FER: variants seen among roughly 807,000 people sequenced by gnomAD.
FER encodes tyrosine-protein kinase Fer.
In FER, 63 loss-of-function variants were observed where a neutral mutation model predicts 111.0. That is an observed-to-expected ratio of 0.57 (90% CI 0.46 to 0.70). FER has a LOEUF of 0.70. Among genes scored for constraint, FER ranks in the 30% least tolerant of loss-of-function variants. FER has a pLI of 0.00. For missense variants in FER, 914 were observed against 954.0 expected (o/e 0.96, Z 0.55); for synonymous variants, 327 against 313.9 (o/e 1.04, Z -0.44).
chr5:108,846,169 C>G lies in FER; in HGVS notation c.481+10362C>G, dbSNP rs1193526585. Reference sequence around the variant, plus strand: ...GATTTGTGTTGAGTTAGTATTATTTCTTTCTTAAATATTGGTAGACTTTGC... The same window carrying G: ...GATTTGTGTTGAGTTAGTATTATTTGTTTCTTAAATATTGGTAGACTTTGC... On this transcript the variant is annotated intron_variant, in intron 5 of 19. Transcript: ENST00000281092. Among the ~76,000 whole-genome samples, 6 of 152,144 alleles carry G rather than the reference C, an allele frequency of 3.9e-5. No individual in the cohort carries two copies. The East Asian group carries it at 1.2e-3, about 29-fold the overall frequency.
At chr5:109,129,175 C>G (rs1752079260) in intron 17 of FER, among the ~76,000 whole-genome samples, 1 of 151,932 alleles carries the variant, frequency 6.6e-6, no homozygotes, top group African/African-American at 2.4e-5. Flanking sequence ...GGAATAAAGT[C>G]AGATACTCAT....
chr5:109,055,985 AT>A (rs2149946384), intron 16 of FER, among the ~76,000 whole-genome samples: 1 of 152,340 alleles, frequency 6.6e-6, no homozygotes, highest in African/African-American at 2.4e-5. Context: ...GGTGCTCAAC[AT>A]TATTAATCAT....
chr5:109,128,231 T>G (rs765588570), intron 17 of FER, among the ~76,000 whole-genome samples: 9 of 145,906 alleles, frequency 6.2e-5, no homozygotes, highest in Non-Finnish European at 1.4e-4. Context: ...ATATACAAGT[T>G]TTTTTTTTTT....
At chr5:108,992,234 T>C (rs1274795806) in intron 13 of FER, among the ~76,000 whole-genome samples, 1 of 152,258 alleles carries the variant, frequency 6.6e-6, no homozygotes, top group Non-Finnish European at 1.5e-5. Context: ...AGAAGAATTT[T>C]TCTAGTACAG....
At chr5:109,129,732 C>T (rs987420771) in intron 17 of FER, among the ~76,000 whole-genome samples, 1 of 152,004 alleles carries the variant, frequency 6.6e-6, no homozygotes, top group African/African-American at 2.4e-5. Flanking sequence ...ACAAGGTTTT[C>T]GTATAGGAAT....
At chr5:109,086,920 T>C (rs1287698049) in intron 16 of FER, among the ~76,000 whole-genome samples, 1 of 150,112 alleles carries the variant, frequency 6.7e-6, no homozygotes, top group Non-Finnish European at 1.5e-5. Context: ...TATGGTCATC[T>C]TCTCTGTGTG....
intron 17 of FER, among the ~76,000 whole-genome samples, chr5:109,158,761 C>G (rs1158063403): frequency 1.3e-5 from 2 of 152,112 alleles, no homozygotes; most frequent in Non-Finnish European, 2.9e-5. Context: ...GAACTCACTT[C>G]TCACTTTCTT....
At chr5:108,991,249 G>A (rs1434434242) in intron 13 of FER, among the ~76,000 whole-genome samples, 1 of 151,776 alleles carries the variant, frequency 6.6e-6, no homozygotes, top group African/African-American at 2.4e-5. Context: ...GTGTATTTCA[G>A]CTGGCTTCTG....
At chr5:108,990,695 A>T (rs1234441497) in intron 13 of FER, among the ~76,000 whole-genome samples, 1 of 151,786 alleles carries the variant, frequency 6.6e-6, no homozygotes, top group Non-Finnish European at 1.5e-5. Flanking sequence ...CACAGAAAAT[A>T]CATCTTTATA....
At chr5:109,007,763 G>A (rs748539000) in intron 13 of FER, among the ~76,000 whole-genome samples, 7 of 151,956 alleles carry the variant, frequency 4.6e-5, no homozygotes, top group Admixed American at 1.3e-4. Context: ...TTCATTTATC[G>A]AGTATATACT....
At chr5:109,143,287 A>C (rs1434185564) in intron 17 of FER, among the ~76,000 whole-genome samples, 1 of 152,150 alleles carries the variant, frequency 6.6e-6, no homozygotes, top group South Asian at 2.1e-4. Context: ...TGTATGCCAT[A>C]AAGTCCTTGA....
At chr5:108,855,734 G>C (rs890096244) in intron 5 of FER, among the ~76,000 whole-genome samples, 1 of 152,198 alleles carries the variant, frequency 6.6e-6, no homozygotes, top group African/African-American at 2.4e-5. Flanking sequence ...TAAAACATAA[G>C]GTGAGGATTA....
chr5:109,126,446 G>C (rs2126540098), intron 17 of FER, among the ~76,000 whole-genome samples: 1 of 152,274 alleles, frequency 6.6e-6, no homozygotes, highest in East Asian at 1.9e-4. Flanking sequence ...GGAAGAAAAA[G>C]AATTTAGGAT....
chr5:109,030,198 G>A (rs911627212), intron 13 of FER, among the ~76,000 whole-genome samples: 1 of 152,006 alleles, frequency 6.6e-6, no homozygotes, highest in Non-Finnish European at 1.5e-5. Context: ...CTATGGCTGA[G>A]ATAATCTATG....
At chr5:109,125,953 C>T (rs1297964822) in intron 17 of FER, among the ~76,000 whole-genome samples, 1 of 152,108 alleles carries the variant, frequency 6.6e-6, no homozygotes, top group Non-Finnish European at 1.5e-5. Flanking sequence ...AAAACTGCTA[C>T]ATCCACAGAT....
rs547217552 is a variant in FER, at chr5:109,017,448, G to A, written c.1657-19974G>A. ...GTGATGTCCTCTGCTCATGATTGCT[G>A]CAGAAATACCCAAATGACATAGTAA... On this transcript the variant is annotated intron_variant, in intron 13 of 19. Transcript: ENST00000281092. Among the ~76,000 whole-genome samples, 18 of 152,018 alleles carry A rather than the reference G, an allele frequency of 1.2e-4. No homozygotes were observed. The South Asian group carries it at 3.7e-3, about 32-fold the overall frequency.
chr5:108,757,802 A>C (rs548996681), intron 1 of FER, among the ~76,000 whole-genome samples: 17 of 152,302 alleles, frequency 1.1e-4, no homozygotes, highest in African/African-American at 3.8e-4. Flanking sequence ...ACAGTGTCCT[A>C]ACTTCTGGGA....
At chr5:108,799,306 C>A (rs905662839) in intron 3 of FER, among the ~76,000 whole-genome samples, 1 of 152,138 alleles carries the variant, frequency 6.6e-6, no homozygotes, top group East Asian at 1.9e-4. Context: ...TTGTTACTTC[C>A]AGTGTCTTAT....
At chr5:108,909,529 T>G (rs1310070292) in intron 10 of FER, among the ~76,000 whole-genome samples, 1 of 152,156 alleles carries the variant, frequency 6.6e-6, no homozygotes, top group Non-Finnish European at 1.5e-5. Context: ...CATTCCAAAG[T>G]ATCAGTTACA....
Sources: allele counts gnomAD v4.1 joint callset (sites outside exome capture counted in the v4.1 genomes callset), GRCh38; gene constraint gnomAD v4.1.1; transcripts MANE v1.5; gene names NCBI Gene and HGNC (gene_info 2026-07-23, HGNC 2026-07-21).